The following TRANK1 variants were observed in gnomAD, a reference collection of about 807,000 sequenced individuals.
TRANK1 encodes the protein TPR and ankyrin repeat-containing protein 1.
A neutral mutation model predicts 266.0 loss-of-function variants in TRANK1; 198 were observed. The ratio of observed to expected loss-of-function variants is 0.74; its 90% CI spans 0.66 to 0.84. The LOEUF (loss-of-function observed/expected upper bound fraction) is 0.84, where lower values mean the gene tolerates loss of function less well. TRANK1 is among the 40% of genes least tolerant of loss of function. The pLI is 0.00. For synonymous variants in TRANK1, 1,396 were observed against 1,384.1 expected (o/e 1.01, Z -0.19); for missense variants, 3,326 against 3,634.6 (o/e 0.92, Z 2.18).
chr3:36,936,992 C>A (rs185270988), intron 1 of TRANK1, among the ~76,000 whole-genome samples: 1 of 152,236 alleles, frequency 6.6e-6, no homozygotes, highest in Admixed American at 6.5e-5. Flanking sequence ...CACAGCTACT[C>A]TGGAGGCTGA....
chr3:36,830,996 C>T lies in TRANK1; in HGVS notation c.8587G>A (p.Val2863Ile). Residue 2863 changes from valine to isoleucine, a missense_variant, in exon 22 of 24, where the codon GTA (valine) becomes ATA (isoleucine). Coordinates refer to ENST00000645898, the MANE Select transcript of TRANK1 (RefSeq NM_001329998.2). ...GAGCCCACGTGACTGTGGATCCATA[C>T]ACTTTGCTCGATGTCCTGCACCACC... ...KLVVQDIEQS[V>I]WIHSHVGSKE... 6.2e-7 allele frequency: 1 copy of T among 1,614,054 alleles called. No homozygotes were observed. The highest frequency in any genetic ancestry group is 8.5e-7 in the Non-Finnish European group (1 of 1,179,894).
intron 1 of TRANK1, among the ~76,000 whole-genome samples, chr3:36,913,300 C>T (rs1040360804): frequency 6.6e-6 from 1 of 152,052 alleles, no homozygotes; most frequent in African/African-American, 2.4e-5. Flanking sequence ...ATCCGGCCGC[C>T]TCGTGTCCCA....
chr3:36,899,739 A>C (rs2079847856), intron 3 of TRANK1, among the ~76,000 whole-genome samples: 1 of 152,244 alleles, frequency 6.6e-6, no homozygotes. Context: ...TGCTCCTGTC[A>C]TTTAACTGCC....
intron 9 of TRANK1, among the ~76,000 whole-genome samples, chr3:36,868,030 A>G (rs1018952309): frequency 2.6e-5 from 4 of 152,248 alleles, no homozygotes; most frequent in African/African-American, 9.6e-5. Context: ...TGTGTGAGTG[A>G]GCCCTGCAAT....
intron 2 of TRANK1, among the ~76,000 whole-genome samples, chr3:36,905,714 AG>A (rs1436847391): frequency 6.6e-6 from 1 of 152,206 alleles, no homozygotes; most frequent in African/African-American, 2.4e-5. Flanking sequence ...CCTTGCCTCA[AG>A]ATGGAACCAG....
Position 36,856,934 on chromosome 3 carries a change from T to C in TRANK1, c.2788A>G (p.Lys930Glu). 1.3e-6 allele frequency: 2 copies of C among 1,574,072 alleles called. No homozygotes were observed. The highest frequency in any genetic ancestry group is 1.8e-5 in the Admixed American group (1 of 56,188). The change falls in exon 13 of 24, where the codon AAA becomes GAA. Residue 930 changes from lysine (K) to glutamate (E), a missense_variant. Lys to Glu is a moderately conservative substitution (Grantham distance 56, BLOSUM62 1). Transcript: ENST00000645898. ...ATEQNTCAME[K>E]SGRIYTEIIR... is the part of the protein sequence containing the mutation. ...ATTTCCGTGTAGATCCGCCCTGATT[T>C]CTCCATTGCACACGTGTTCTGCTCC...
intron 8 of TRANK1, among the ~76,000 whole-genome samples, chr3:36,879,642 A>G (rs1326053742): frequency 8.9e-6 from 1 of 112,500 alleles, no homozygotes; most frequent in Non-Finnish European, 1.7e-5. Flanking sequence ...ATATAAATAT[A>G]CAAATATATA....
At chr3:36,865,803 C>T (rs1023894013) in intron 9 of TRANK1, among the ~76,000 whole-genome samples, 1 of 151,982 alleles carries the variant, frequency 6.6e-6, no homozygotes, top group Non-Finnish European at 1.5e-5. Context: ...ATGGCACATG[C>T]CTGTGGTCCC....
intron 20 of TRANK1, among the ~76,000 whole-genome samples, chr3:36,835,334 A>C (rs1162465976): frequency 6.7e-6 from 1 of 150,124 alleles, no homozygotes; most frequent in Non-Finnish European, 1.5e-5. Flanking sequence ...AAAAAAAAAA[A>C]AAAAAAAAAA....
In TRANK1 at chr3:36,857,906, G is replaced by A. The variant is rs370656520; in HGVS notation, c.1816C>T (p.Arg606Cys). Residue 606 changes from arginine (R) to cysteine (C), a missense_variant, in exon 13 of 24, where the codon CGC becomes TGC. By Grantham distance (180) the Arg-to-Cys change is radical. Coordinates refer to ENST00000645898, the MANE Select transcript of TRANK1 (RefSeq NM_001329998.2). This position sits in a 1 kb window ranked among gnomAD's most constrained non-coding sequence, Gnocchi z 4.3. ...AGCAGGTCTAACAGCTTCTTCACGCGCTTTAGCATGCCCTTCTGGAAGAGG... is the reference window on the plus strand; with the variant it reads ...AGCAGGTCTAACAGCTTCTTCACGCACTTTAGCATGCCCTTCTGGAAGAGG... ...HILFQKGMLK[R>C]VKKLLDLLVK... The A allele has an allele frequency of 4.0e-5, 64 of 1,609,352 alleles. No individual in the cohort carries two copies. Among genetic ancestry groups the A allele is most frequent in the East Asian group, 1.8e-4 (8 of 44,902 alleles).
In TRANK1 at chr3:36,864,305, G is replaced by A. The variant is rs1412934845; in HGVS notation, c.1240+14C>T. ...ATCATTTTTAACATCATTGAACGTT[G>A]TGGAAAAAATTACCTTGCAGAGTAG... is the stretch of plus-strand genomic sequence containing the variant. On this transcript the variant is annotated intron_variant, in intron 10 of 23. Transcript: ENST00000645898. 1.3e-6 allele frequency: 2 copies of A among 1,491,324 alleles called. No individual in the cohort carries two copies. The highest frequency in any genetic ancestry group is 1.3e-5 in the South Asian group (1 of 76,342). The allele number at this position is 1,491,324 out of a possible 1,614,324, so 92.4% of individuals were successfully genotyped here.
At chr3:36,867,838 A>G (rs1019051978) in intron 9 of TRANK1, among the ~76,000 whole-genome samples, 1 of 152,260 alleles carries the variant, frequency 6.6e-6, no homozygotes, top group Non-Finnish European at 1.5e-5. Flanking sequence ...ACAGAATTTC[A>G]TTATAACATC....
rs372700153 is a variant in TRANK1, at chr3:36,828,297, C to T, written c.8888G>A (p.Cys2963Tyr). The change falls in exon 24 of 24, where the codon TGT becomes TAT. Residue 2963 changes from cysteine (C) to tyrosine (Y), a missense_variant. Coordinates refer to ENST00000645898, the MANE Select transcript of TRANK1 (RefSeq NM_001329998.2). ...ACATTAGTATTTTCTCTGCTTTCCA[C>T]ATTTCCGAGAACGCCTTCTAGGCCG... ...ELRPRRRSRK[C>Y]GKQRKY 10 of 1,612,264 alleles carry T rather than the reference C, an allele frequency of 6.2e-6. No individual in the cohort carries two copies. The highest frequency in any genetic ancestry group is 1.1e-5 in the South Asian group (1 of 90,432).
chr3:36,847,564 C>T (rs1018718782), intron 15 of TRANK1, among the ~76,000 whole-genome samples: 2 of 152,124 alleles, frequency 1.3e-5, no homozygotes, highest in African/African-American at 2.4e-5. Flanking sequence ...ACACACTACA[C>T]CAAGAAGCTA....
intron 7 of TRANK1, among the ~76,000 whole-genome samples, chr3:36,890,713 T>C (rs2079679841): frequency 6.6e-6 from 1 of 152,188 alleles, no homozygotes; most frequent in Admixed American, 6.5e-5. Context: ...TTGAATTCTT[T>C]TCCCAGACTC....
chr3:36,930,421 G>T (rs1394553864), intron 1 of TRANK1, among the ~76,000 whole-genome samples: 1 of 152,096 alleles, frequency 6.6e-6, no homozygotes, highest in African/African-American at 2.4e-5. Flanking sequence ...CCAACATCTT[G>T]GTTTTCGCCA....
chr3:36,887,137 T>C (rs1039876268), intron 8 of TRANK1, among the ~76,000 whole-genome samples: 1 of 152,082 alleles, frequency 6.6e-6, no homozygotes, highest in Non-Finnish European at 1.5e-5. Flanking sequence ...TATTTTTTTA[T>C]TGAAGATTTG....
At position 36,856,915 on chromosome 3, in the gene TRANK1, G is replaced by A. The variant is rs368621710; in HGVS notation, c.2807C>T (p.Thr936Met). The A allele has an allele frequency of 6.8e-6, 11 of 1,613,820 alleles. No individual in the cohort carries two copies. The highest frequency in any genetic ancestry group is 2.7e-5 in the African/African-American group (2 of 75,014). The change falls in exon 13 of 24, where the codon ACG (threonine) becomes ATG (methionine). Residue 936 changes from threonine (T) to methionine (M), a missense_variant. Thr to Met is a moderately conservative substitution (Grantham distance 81, BLOSUM62 -1). Transcript: ENST00000645898. ...GATGTCCCAAATCCGGATGATTTCCGTGTAGATCCGCCCTGATTTCTCCAT... is the reference window on the plus strand; with the variant it reads ...GATGTCCCAAATCCGGATGATTTCCATGTAGATCCGCCCTGATTTCTCCAT... ...CAMEKSGRIY[T>M]EIIRIWDIVL...
rs1575348043 is a variant in TRANK1 at position 36,944,855 on chromosome 3, A to C, written c.-46T>G. On this transcript the variant is annotated 5_prime_UTR_variant, in exon 1 of 24. Transcript: ENST00000645898. ...CACCAGGACCGCCGCCGCCTGGGGA[A>C]GCGCTTCCCTGTGGGCAGGGCGCGG... 7.0e-7 allele frequency: 1 copy of C among 1,436,790 alleles called. No homozygotes were observed. Among genetic ancestry groups the C allele is most frequent in the Non-Finnish European group, 9.1e-7 (1 of 1,101,316 alleles). 89.0% of individuals were successfully genotyped at this position (1,436,790 alleles called of 1,614,324 possible).
Sources: gnomAD v4.1 joint callset for allele counts (sites outside exome capture counted in the v4.1 genomes callset) on GRCh38, gnomAD v4.1.1 for gene constraint, Gnocchi (gnomAD v3.1) non-coding constraint, MANE v1.5 for transcripts, NCBI Gene and HGNC (gene_info 2026-07-23, HGNC 2026-07-21) for gene names.